CNTNAP2: variants seen among roughly 807,000 people sequenced by gnomAD.
CNTNAP2 encodes contactin-associated protein-like 2.
CNTNAP2 carries 98 observed loss-of-function variants against 155.2 expected under a neutral mutation model. That is an observed-to-expected ratio of 0.63 (90% CI 0.54 to 0.75). CNTNAP2 has a LOEUF of 0.75. Among genes scored for constraint, CNTNAP2 ranks in the 30% least tolerant of loss-of-function variants. The pLI is 0.00. For missense variants in CNTNAP2, 1,727 were observed against 1,688.1 expected (o/e 1.02, Z -0.40); for synonymous variants, 651 against 631.2 (o/e 1.03, Z -0.47).
chr7:146,814,344 T>C (rs1322982047), intron 2 of CNTNAP2, among the ~76,000 whole-genome samples: 1 of 152,086 alleles, frequency 6.6e-6, no homozygotes, highest in Non-Finnish European at 1.5e-5. Flanking sequence ...AAGCATAATA[T>C]CTACTTTTTT....
At chr7:147,802,149 G>A (rs570457839) in intron 13 of CNTNAP2, among the ~76,000 whole-genome samples, 28 of 150,654 alleles carry the variant, frequency 1.9e-4, no homozygotes, top group South Asian at 1.3e-3. Flanking sequence ...GGTCGCGGCC[G>A]GGCAGAGGCG....
intron 14 of CNTNAP2, among the ~76,000 whole-genome samples, chr7:147,941,975 A>T (rs1800731089): frequency 2.0e-5 from 3 of 152,340 alleles, no homozygotes; most frequent in Admixed American, 2.0e-4. Flanking sequence ...CTAATAACTG[A>T]CTTTACTGAA....
At chr7:146,846,808 T>C (rs1242019911) in intron 3 of CNTNAP2, among the ~76,000 whole-genome samples, 2 of 152,274 alleles carry the variant, frequency 1.3e-5, no homozygotes, top group African/African-American at 4.8e-5. Context: ...AGGAAAATGT[T>C]ATAATCTCAT....
At chr7:146,520,699 C>T (rs1259430169) in intron 1 of CNTNAP2, among the ~76,000 whole-genome samples, 1 of 151,636 alleles carries the variant, frequency 6.6e-6, no homozygotes, top group Non-Finnish European at 1.5e-5. Flanking sequence ...TAGTACATTA[C>T]AAAAAGAATA....
At chr7:147,992,254 C>G (rs1801724125) in intron 15 of CNTNAP2, among the ~76,000 whole-genome samples, 1 of 151,816 alleles carries the variant, frequency 6.6e-6, no homozygotes, top group African/African-American at 2.4e-5. Context: ...GCCACCACAC[C>G]CAGTTAATTT....
chr7:148,263,770 A>C (rs1015362995), intron 20 of CNTNAP2, among the ~76,000 whole-genome samples: 1 of 152,006 alleles, frequency 6.6e-6, no homozygotes, highest in African/African-American at 2.4e-5. Context: ...AAAAGTTTAT[A>C]TAAATAAATG....
At chr7:147,896,516 C>T (rs1044364940) in intron 13 of CNTNAP2, among the ~76,000 whole-genome samples, 3 of 151,990 alleles carry the variant, frequency 2.0e-5, no homozygotes, top group Non-Finnish European at 4.4e-5. Flanking sequence ...CTTGGCGGGT[C>T]GGGGGGAAGC....
At chr7:147,646,495 A>G (rs1795366075) in intron 13 of CNTNAP2, among the ~76,000 whole-genome samples, 1 of 152,240 alleles carries the variant, frequency 6.6e-6, no homozygotes, top group Non-Finnish European at 1.5e-5. Context: ...AACTAAGAGT[A>G]TCATCAGAAT....
At chr7:147,995,309 G>C (rs1272744514) in intron 15 of CNTNAP2, among the ~76,000 whole-genome samples, 1 of 152,028 alleles carries the variant, frequency 6.6e-6, no homozygotes, top group African/African-American at 2.4e-5. Flanking sequence ...AACTTGGTGG[G>C]CCAGCCATGG....
chr7:146,659,852 C>T lies in CNTNAP2; in HGVS notation c.98-114419C>T, dbSNP rs567476659. 9.8e-5 allele frequency among the ~76,000 whole-genome samples: 15 copies of T among 152,322 alleles called. No individual in the cohort carries two copies. In the South Asian group the frequency reaches 2.9e-3, roughly 29 times the overall value. On this transcript the variant is annotated intron_variant, in intron 1 of 23. Coordinates refer to ENST00000361727, the MANE Select transcript of CNTNAP2 (RefSeq NM_014141.6). ...AAGCCTTTGGAGTGATATGCAAGAA[C>T]TCCATAGTGGGGAGGGAAAAGTGCC...
intron 8 of CNTNAP2, among the ~76,000 whole-genome samples, chr7:147,278,298 T>TTA (rs1804949771): frequency 6.6e-6 from 1 of 151,828 alleles, no homozygotes; most frequent in African/African-American, 2.4e-5. Context: ...TAGTGATTTC[T>TTA]TTTAATATTA....
chr7:146,569,110 G>A (rs1417323063), intron 1 of CNTNAP2, among the ~76,000 whole-genome samples: 1 of 152,044 alleles, frequency 6.6e-6, no homozygotes, highest in Admixed American at 6.6e-5. Context: ...GCTGCCTCCC[G>A]GGTTCACGCC....
At chr7:148,259,828 C>T (rs1171985191) in intron 20 of CNTNAP2, among the ~76,000 whole-genome samples, 1 of 152,252 alleles carries the variant, frequency 6.6e-6, no homozygotes, top group Non-Finnish European at 1.5e-5. Context: ...CTGCCTAAAT[C>T]AGTATGCTTC....
chr7:147,931,920 A>ACG (rs1404177859), intron 14 of CNTNAP2, among the ~76,000 whole-genome samples: 1 of 151,918 alleles, frequency 6.6e-6, no homozygotes, highest in South Asian at 2.1e-4. Flanking sequence ...GGGTCTCATT[A>ACG]TATCACCCAG....
rs1012975294 is a variant in CNTNAP2 at position 148,230,379 on chromosome 7, A to G, written c.3381+600A>G. ...TCACCACTGATTTTTACAGTGAAGA[A>G]ACCAGCTTGGGAAACACCATGAATA... On this transcript the variant is annotated intron_variant, in intron 20 of 23. Coordinates refer to ENST00000361727, the MANE Select transcript of CNTNAP2 (RefSeq NM_014141.6). Among the ~76,000 whole-genome samples, 58 of 152,176 alleles carry G rather than the reference A, an allele frequency of 3.8e-4. 1 individual carries two copies. The highest frequency in any genetic ancestry group is 3.6e-3 in the Admixed American group (55 of 15,280).
At chr7:146,137,971 T>C (rs1797821446) in intron 1 of CNTNAP2, among the ~76,000 whole-genome samples, 1 of 151,924 alleles carries the variant, frequency 6.6e-6, no homozygotes, top group Non-Finnish European at 1.5e-5. Flanking sequence ...TATAATGAGG[T>C]TTGGGTTTTT....
chr7:146,982,951 GA>G (rs560181340), intron 3 of CNTNAP2, among the ~76,000 whole-genome samples: 1 of 151,464 alleles, frequency 6.6e-6, no homozygotes, highest in African/African-American at 2.4e-5. Context: ...TGCAAAATTG[GA>G]AAAAAAAGTA....
chr7:146,691,695 T>C (rs1800699093), intron 1 of CNTNAP2, among the ~76,000 whole-genome samples: 1 of 152,108 alleles, frequency 6.6e-6, no homozygotes, highest in Admixed American at 6.6e-5. Flanking sequence ...CTTTACTGAA[T>C]GTTAGAGCCA....
chr7:148,140,704 G>A (rs1432746551), intron 16 of CNTNAP2, among the ~76,000 whole-genome samples: 2 of 152,264 alleles, frequency 1.3e-5, no homozygotes, highest in Non-Finnish European at 1.5e-5. Context: ...TTACAGGCAT[G>A]AGCCACCACA....
Sources: allele counts gnomAD v4.1 joint callset (sites outside exome capture counted in the v4.1 genomes callset), GRCh38; gene constraint gnomAD v4.1.1; transcripts MANE v1.5; gene names NCBI Gene and HGNC (gene_info 2026-07-23, HGNC 2026-07-21).